TRPM3: variants seen among roughly 807,000 people sequenced by gnomAD.
TRPM3 encodes transient receptor potential cation channel subfamily M member 3, also known as long transient receptor potential channel 3.
Under a neutral mutation model 181.2 loss-of-function variants are expected in TRPM3, and 77 were observed. That is an observed-to-expected ratio of 0.42 (90% CI 0.35 to 0.51). The LOEUF (loss-of-function observed/expected upper bound fraction) is 0.51, where lower values mean the gene tolerates loss of function less well. TRPM3 is among the 20% of genes least tolerant of loss of function. The pLI is 0.01. For synonymous variants in TRPM3, 745 were observed against 796.4 expected (o/e 0.94, Z 1.09); for missense variants, 1,759 against 2,196.7 (o/e 0.80, Z 3.98).
At chr9:71,278,239 G>T (rs762480520) in intron 1 of TRPM3, among the ~76,000 whole-genome samples, 14 of 152,208 alleles carry the variant, frequency 9.2e-5, no homozygotes, top group Non-Finnish European at 1.9e-4. Context: ...CATGATCCCA[G>T]ATTAGAAGAG....
chr9:70,877,236 G>A lies in TRPM3; in HGVS notation c.178-12725C>T, dbSNP rs981064592. On this transcript the variant is annotated intron_variant, in intron 1 of 25. Coordinates refer to ENST00000677713, the MANE Select transcript of TRPM3 (RefSeq NM_001366145.2). ...CACCGGCCTTACATGTCACATCCTAGCTCACTTCTCCAAACTGTCTATGCC... is the reference window on the plus strand; with the variant it reads ...CACCGGCCTTACATGTCACATCCTAACTCACTTCTCCAAACTGTCTATGCC... 7.2e-5 allele frequency among the ~76,000 whole-genome samples: 11 copies of A among 151,876 alleles called. No homozygotes were observed. The East Asian group carries it at 2.1e-3, about 29-fold the overall frequency.
chr9:71,296,815 GAT>G (rs1157939624), intron 1 of TRPM3, among the ~76,000 whole-genome samples: 2 of 152,018 alleles, frequency 1.3e-5, no homozygotes, highest in African/African-American at 4.8e-5. Context: ...CTGGTTTTTA[GAT>G]ACATTTTGAA....
chr9:71,440,122 C>A (rs974917711), intron 1 of TRPM3, among the ~76,000 whole-genome samples: 1 of 151,658 alleles, frequency 6.6e-6, no homozygotes, highest in African/African-American at 2.4e-5. Context: ...GACTCCATCT[C>A]AAAAAATAAA....
chr9:70,983,495 T>C (rs534456692), intron 1 of TRPM3, among the ~76,000 whole-genome samples: 1 of 152,186 alleles, frequency 6.6e-6, no homozygotes, highest in South Asian at 2.1e-4. Flanking sequence ...GACACCTCTG[T>C]GGAAATAAAC....
intron 9 of TRPM3, among the ~76,000 whole-genome samples, chr9:70,647,850 G>A (rs1469359069): frequency 6.6e-6 from 1 of 152,116 alleles, no homozygotes; most frequent in Non-Finnish European, 1.5e-5. Context: ...TAAAGTTTCA[G>A]AATACAAAAT....
In TRPM3 at chr9:70,859,059, T is replaced by A. The variant is rs185222426; in HGVS notation, c.462+3849A>T. Among the ~76,000 whole-genome samples the A allele has an allele frequency of 1.4e-3, 219 of 152,278 alleles. 2 individuals carry two copies. Among genetic ancestry groups the A allele is most frequent in the African/African-American group, 5.0e-3 (207 of 41,558 alleles). On this transcript the variant is annotated intron_variant, in intron 3 of 25. Coordinates refer to ENST00000677713, the MANE Select transcript of TRPM3 (RefSeq NM_001366145.2). ...TTGGCAGAAGTTCACCTGCCTTAGATACTAGCCATGTCCCAGTGTAAAGGT... is the reference window on the plus strand; with the variant it reads ...TTGGCAGAAGTTCACCTGCCTTAGAAACTAGCCATGTCCCAGTGTAAAGGT...
At chr9:70,954,871 T>C (rs1177185745) in intron 1 of TRPM3, among the ~76,000 whole-genome samples, 4 of 152,102 alleles carry the variant, frequency 2.6e-5, no homozygotes, top group Admixed American at 6.6e-5. Context: ...AAGAGAGTCG[T>C]TTCCAGGAGA....
At chr9:70,765,599 A>G (rs2078958037) in intron 7 of TRPM3, among the ~76,000 whole-genome samples, 1 of 137,952 alleles carries the variant, frequency 7.2e-6, no homozygotes, top group Non-Finnish European at 1.7e-5. Context: ...CTCAAAAAAC[A>G]AAAACAAAAA....
intron 14 of TRPM3, among the ~76,000 whole-genome samples, chr9:70,622,353 A>G (rs1321819927): frequency 6.6e-6 from 1 of 152,246 alleles, no homozygotes; most frequent in Non-Finnish European, 1.5e-5. Flanking sequence ...CCTTCTATCA[A>G]GCAGAATGAA....
In TRPM3 at chr9:70,776,237, A is replaced by G. The variant is rs1337456608; in HGVS notation, c.1148+7868T>C. 5 of 432,754 alleles carry G rather than the reference A, an allele frequency of 1.2e-5. No individual in the cohort carries two copies. The South Asian group carries it at 2.7e-4, about 23-fold the overall frequency. The allele number at this position is 432,754 out of a possible 1,614,324, so 26.8% of individuals were successfully genotyped here. On this transcript the variant is annotated intron_variant, in intron 7 of 25. Coordinates refer to ENST00000677713, the MANE Select transcript of TRPM3 (RefSeq NM_001366145.2). ...ACTTGAGGAAGAATTCAAGGACTTT[A>G]AAAAAGTAAAAATCAATCAAGACAA...
intron 6 of TRPM3, among the ~76,000 whole-genome samples, chr9:70,803,298 A>G (rs1400552255): frequency 6.6e-6 from 1 of 151,904 alleles, no homozygotes; most frequent in African/African-American, 2.4e-5. Flanking sequence ...TTGGAAATAC[A>G]CTCTTCACTT....
At chr9:71,441,237 T>TC (rs1563935888) in intron 1 of TRPM3, among the ~76,000 whole-genome samples, 2 of 151,974 alleles carry the variant, frequency 1.3e-5, no homozygotes, top group East Asian at 3.9e-4. Flanking sequence ...CTTTTTTTTT[T>TC]CACACACAAA....
chr9:70,990,864 G>A (rs1014580421), intron 1 of TRPM3, among the ~76,000 whole-genome samples: 4 of 152,110 alleles, frequency 2.6e-5, no homozygotes, highest in Non-Finnish European at 5.9e-5. Flanking sequence ...CCTGACATAG[G>A]CTTCCTGAAG....
chr9:71,139,781 C>G (rs1166302582), intron 1 of TRPM3, among the ~76,000 whole-genome samples: 2 of 152,126 alleles, frequency 1.3e-5, no homozygotes, highest in South Asian at 4.1e-4. Context: ...AGTTGGCTAC[C>G]TAACTGACAT....
chr9:71,050,610 G>A (rs1196653331), intron 1 of TRPM3, among the ~76,000 whole-genome samples: 2 of 152,084 alleles, frequency 1.3e-5, no homozygotes, highest in Non-Finnish European at 2.9e-5. Flanking sequence ...ACTACTTGTT[G>A]GCTAGAAGTG....
intron 8 of TRPM3, among the ~76,000 whole-genome samples, chr9:70,697,450 C>T (rs2070914023): frequency 6.6e-6 from 1 of 152,178 alleles, no homozygotes; most frequent in African/African-American, 2.4e-5. Flanking sequence ...GACATAGAAA[C>T]GTACATACAT....
At chr9:71,097,202 A>C (rs547737536) in intron 1 of TRPM3, among the ~76,000 whole-genome samples, 54 of 152,150 alleles carry the variant, frequency 3.5e-4, no homozygotes, top group Non-Finnish European at 5.7e-4. Flanking sequence ...AAATATATAA[A>C]ACAATAGAAA....
intron 1 of TRPM3, among the ~76,000 whole-genome samples, chr9:71,395,627 TTC>T (rs2093172388): frequency 6.6e-6 from 1 of 152,248 alleles, no homozygotes; most frequent in South Asian, 2.1e-4. Context: ...TTTCTGATTT[TTC>T]TGTTAGCAAA....
intron 6 of TRPM3, chr9:70,793,690 A>G (rs1320536631): frequency 4.3e-6 from 2 of 469,664 alleles, no homozygotes; most frequent in Non-Finnish European, 8.8e-6. Context: ...TTTTGTAACT[A>G]TGAAAACCTG....
Sources: gnomAD v4.1 joint callset for allele counts (sites outside exome capture counted in the v4.1 genomes callset) on GRCh38, gnomAD v4.1.1 for gene constraint, MANE v1.5 for transcripts, NCBI Gene and HGNC (gene_info 2026-07-23, HGNC 2026-07-21) for gene names.